The following ARHGAP22 variants were observed in gnomAD, a reference collection of about 807,000 sequenced individuals.
The protein encoded by ARHGAP22 is Rho GTPase activating protein 22.
ARHGAP22 carries 48 observed loss-of-function variants against 59.1 expected under a neutral mutation model. The observed-to-expected ratio is 0.81, with a 90% CI of 0.64 to 1.03. ARHGAP22 has a LOEUF of 1.03. Among genes scored for constraint, ARHGAP22 ranks in the 50% least tolerant of loss-of-function variants. ARHGAP22 has a pLI of 0.00. For missense variants in ARHGAP22, 1,015 were observed against 958.7 expected (o/e 1.06, Z -0.78); for synonymous variants, 445 against 416.4 (o/e 1.07, Z -0.84).
the ARHGAP22 span, chr10:48,439,327 TAAAAA>T: frequency 4.0e-5 from 6 of 150,158 alleles, no homozygotes; most frequent in East Asian, 7.7e-4. Context: ...ATATTTTAAA[TAAAAA>T]AGAAAAAAGT....
intron 1 of ARHGAP22, chr10:48,625,105 C>T (rs961712474): frequency 1.3e-5 from 2 of 151,936 alleles, no homozygotes; most frequent in Non-Finnish European, 2.9e-5. Flanking sequence ...GCTCCATGAA[C>T]TTGGGCCAGT....
rs530289146 is a variant in ARHGAP22, at chr10:48,614,650, T to C, written c.53-31498A>G. 9.5e-4 allele frequency among the ~76,000 whole-genome samples: 144 copies of C among 152,298 alleles called. 1 individual carries two copies. The highest frequency in any genetic ancestry group is 3.2e-3 in the African/African-American group (132 of 41,560). Reference sequence around the variant, plus strand: ...GGAATCTAGAAACTAACCAACAGCTTGCATCAGCCAGGGGAATGCTTAATC... The same window carrying C: ...GGAATCTAGAAACTAACCAACAGCTCGCATCAGCCAGGGGAATGCTTAATC... On this transcript the variant is annotated intron_variant, in intron 1 of 9. Coordinates refer to the ARHGAP22 transcript ENST00000435790.
At chr10:48,536,515 A>G (rs532967314) in intron 3 of ARHGAP22, among the ~76,000 whole-genome samples, 2 of 152,280 alleles carry the variant, frequency 1.3e-5, no homozygotes, top group Admixed American at 6.5e-5. Context: ...ACTCAGTACC[A>G]AGTTGGCTCA....
In ARHGAP22 at chr10:48,453,391, T is replaced by C; in HGVS notation, c.901A>G (p.Asn301Asp). ...LDEVQAYSNVNKMSVQNLATV... is the reference protein window; with the variant it reads ...LDEVQAYSNVDKMSVQNLATV... ...GCCAGATTCTGGACACTCATCTTGT[T>C]GACATTTGAGTATGCCTGAACTTCA... Residue 301 changes from asparagine to aspartate, a missense_variant, in exon 8 of 10, where the codon AAC (asparagine) becomes GAC (aspartate). Physicochemically the swap from Asn to Asp is conservative, Grantham distance 23. Coordinates refer to ENST00000249601, the MANE Select transcript of ARHGAP22 (RefSeq NM_021226.4). 1 of 1,614,038 alleles carries C rather than the reference T, an allele frequency of 6.2e-7. No homozygotes were observed. Among genetic ancestry groups the C allele is most frequent in the Non-Finnish European group, 8.5e-7 (1 of 1,179,970 alleles).
intron 2 of ARHGAP22, 110 bp downstream of exon 2, chr10:48,582,843 C>T: frequency 2.3e-6 from 3 of 1,278,682 alleles, no homozygotes; most frequent in Non-Finnish European, 3.3e-6. Context: ...CAAAACATCA[C>T]TGTGATGGAG....
intron 1 of ARHGAP22, among the ~76,000 whole-genome samples, chr10:48,612,274 A>G (rs2060925442): frequency 6.6e-6 from 1 of 152,028 alleles, no homozygotes; most frequent in Non-Finnish European, 1.5e-5. Context: ...GTGGAATGGA[A>G]TTTGTTTTTT....
intron 2 of ARHGAP22, chr10:48,582,642 T>A: frequency 2.3e-6 from 1 of 429,808 alleles, no homozygotes. Flanking sequence ...TGCATGTATG[T>A]CCTTCTTGGA....
At chr10:48,573,131 C>T (rs116432504) in intron 2 of ARHGAP22, among the ~76,000 whole-genome samples, 1,946 of 152,202 alleles carry the variant, frequency 0.013, 39 homozygotes, top group African/African-American at 0.044. Context: ...AAGGCAGAGG[C>T]GAGGTTGGAG....
upstream of ARHGAP22, among the ~76,000 whole-genome samples, chr10:48,607,094 A>G (rs1296232149): frequency 3.9e-5 from 6 of 152,108 alleles, no homozygotes; most frequent in African/African-American, 1.4e-4. Context: ...GCTTGTGACA[A>G]TGTCTTGAGC....
chr10:48,443,000 C>T (rs146696571), downstream of ARHGAP22, among the ~76,000 whole-genome samples: 155 of 152,178 alleles, frequency 1.0e-3, no homozygotes, highest in Admixed American at 1.8e-3. Context: ...TCTGGGCAGG[C>T]GGGCTCTGGA....
intron 1 of ARHGAP22, among the ~76,000 whole-genome samples, chr10:48,591,028 G>T (rs1589026685): frequency 6.6e-6 from 1 of 152,180 alleles, no homozygotes; most frequent in Non-Finnish European, 1.5e-5. Flanking sequence ...ACACAACATT[G>T]CTCTTATGTG....
chr10:48,504,050 G>A (rs948530582), intron 3 of ARHGAP22, among the ~76,000 whole-genome samples: 1 of 152,182 alleles, frequency 6.6e-6, no homozygotes, highest in African/African-American at 2.4e-5. Context: ...GTGCGGGATG[G>A]GGAAGGAGGG....
intron 2 of ARHGAP22, among the ~76,000 whole-genome samples, chr10:48,562,148 C>T (rs1294267162): frequency 6.6e-6 from 1 of 151,840 alleles, no homozygotes; most frequent in Non-Finnish European, 1.5e-5. Context: ...ATCTCTGGAA[C>T]CCGGGAGGCA....
chr10:48,545,066 G>A (rs992737827), intron 3 of ARHGAP22, among the ~76,000 whole-genome samples: 2 of 152,140 alleles, frequency 1.3e-5, no homozygotes, highest in African/African-American at 4.8e-5. Context: ...TAGTATTTTG[G>A]AGCCAGTAGT....
chr10:48,544,968 T>C (rs1029836097), intron 3 of ARHGAP22, among the ~76,000 whole-genome samples: 1 of 152,228 alleles, frequency 6.6e-6, no homozygotes, highest in African/African-American at 2.4e-5. Flanking sequence ...GGAAATGTGC[T>C]TTAAGTGTAA....
intron 3 of ARHGAP22, among the ~76,000 whole-genome samples, chr10:48,530,877 A>C (rs1048070342): frequency 1.7e-4 from 6 of 35,074 alleles, no homozygotes; most frequent in African/African-American, 5.3e-4. Flanking sequence ...TCCTTAAAGA[A>C]CTAAAAGTAA....
chr10:48,596,528 C>T lies in ARHGAP22; in HGVS notation c.34+8235G>A, dbSNP rs535894183. 1.5e-4 allele frequency among the ~76,000 whole-genome samples: 23 copies of T among 152,234 alleles called. 1 individual carries two copies. The highest frequency in any genetic ancestry group is 6.5e-4 in the Admixed American group (10 of 15,304). On this transcript the variant is annotated intron_variant, in intron 1 of 9. Coordinates refer to ENST00000249601, the MANE Select transcript of ARHGAP22 (RefSeq NM_021226.4). ...ACTGAGAGGTGGAGTGTGCCCAGCA[C>T]GGGAACAGGAAGATGCAGAAAGTGA...
chr10:48,500,759 C>T (rs1488181413), intron 3 of ARHGAP22, among the ~76,000 whole-genome samples: 6 of 151,800 alleles, frequency 4.0e-5, no homozygotes, highest in Admixed American at 2.0e-4. Context: ...GGCGTGGTGG[C>T]GGGCACCTGT....
At chr10:48,586,771 G>A (rs1348873098) in intron 1 of ARHGAP22, among the ~76,000 whole-genome samples, 3 of 152,234 alleles carry the variant, frequency 2.0e-5, no homozygotes, top group East Asian at 3.9e-4. Flanking sequence ...ATCTTTGCAC[G>A]GGCTTCTACC....
Sources: gnomAD v4.1 joint callset for allele counts (sites outside exome capture counted in the v4.1 genomes callset) on GRCh38, gnomAD v4.1.1 for gene constraint, MANE v1.5 for transcripts, NCBI Gene and HGNC (gene_info 2026-07-23, HGNC 2026-07-21) for gene names.